GPR137B: variants seen among roughly 807,000 people sequenced by gnomAD.
GPR137B encodes integral membrane protein GPR137B.
GPR137B carries 42 observed loss-of-function variants against 42.5 expected under a neutral mutation model. The observed-to-expected ratio is 0.99, with a 90% confidence interval of 0.77 to 1.28. The LOEUF (loss-of-function observed/expected upper bound fraction) is 1.28. Ranked by LOEUF, GPR137B falls within the 50% of genes most tolerant of loss-of-function variation. The pLI, the probability that GPR137B is intolerant of heterozygous loss-of-function variation, is 0.00. For missense variants in GPR137B, 487 were observed against 493.9 expected (o/e 0.99, Z 0.13); for synonymous variants, 218 against 209.7 (o/e 1.04, Z -0.34).
At chr1:236,164,662 GC>G (rs959823682) in intron 1 of GPR137B, among the ~76,000 whole-genome samples, 5 of 152,172 alleles carry the variant, frequency 3.3e-5, no homozygotes, top group Non-Finnish European at 5.9e-5. Context: ...CTTGGTTTAT[GC>G]CCTTTAATTA....
intron 1 of GPR137B, among the ~76,000 whole-genome samples, chr1:236,153,573 T>C (rs531627825): frequency 1.3e-5 from 2 of 152,352 alleles, no homozygotes; most frequent in South Asian, 4.1e-4. Context: ...GTGCTTGTTG[T>C]GTGCCAGACA....
chr1:236,170,455 C>T (rs1358275058), intron 2 of GPR137B, among the ~76,000 whole-genome samples: 1 of 152,062 alleles, frequency 6.6e-6, no homozygotes, highest in Non-Finnish European at 1.5e-5. Flanking sequence ...CAAGACTCAC[C>T]GTCCCGGGTT....
chr1:236,189,642 A>C (rs889942137), intron 5 of GPR137B, among the ~76,000 whole-genome samples: 1 of 152,128 alleles, frequency 6.6e-6, no homozygotes, highest in Non-Finnish European at 1.5e-5. Flanking sequence ...GAGTTTCTTA[A>C]TCCTGAGTTC....
chr1:236,181,078 A>AT (rs1166157524), intron 4 of GPR137B, among the ~76,000 whole-genome samples: 2 of 151,964 alleles, frequency 1.3e-5, no homozygotes, highest in African/African-American at 2.4e-5. Flanking sequence ...CAGGGAGTGA[A>AT]TTTTTTTTAA....
At chr1:236,205,696 G>A (rs983704677) in intron 6 of GPR137B, among the ~76,000 whole-genome samples, 5 of 152,018 alleles carry the variant, frequency 3.3e-5, no homozygotes, top group Non-Finnish European at 7.4e-5. Context: ...GTGCGCCACC[G>A]CACCCAGCAA....
chr1:236,180,063 A>AAGAGTCCCTGGTCAGGT, intron 4 of GPR137B, 35 bp downstream of exon 4: 1 of 1,585,586 alleles, frequency 6.3e-7, no homozygotes, highest in Non-Finnish European at 8.7e-7. Flanking sequence ...TCACCTGACC[A>AAGAGTCCCTGGTCAGGT]GGGACTCTTG....
intron 1 of GPR137B, among the ~76,000 whole-genome samples, chr1:236,153,971 C>T (rs558391489): frequency 6.6e-6 from 1 of 152,186 alleles, no homozygotes; most frequent in Non-Finnish European, 1.5e-5. Context: ...GAAGTCGTCA[C>T]CTGTGACTTG....
chr1:236,157,730 C>T (rs1662074040), intron 1 of GPR137B, among the ~76,000 whole-genome samples: 2 of 152,134 alleles, frequency 1.3e-5, no homozygotes, highest in South Asian at 2.1e-4. Flanking sequence ...GGTTTTACGT[C>T]CTGAGAACAT....
intron 1 of GPR137B, among the ~76,000 whole-genome samples, chr1:236,144,992 G>C (rs539194854): frequency 5.9e-5 from 9 of 152,360 alleles, no homozygotes; most frequent in African/African-American, 1.4e-4. Flanking sequence ...CAGGCAGACA[G>C]AGCCACTCCG....
rs1662543820 is a variant in GPR137B, at chr1:236,171,791, T to C, written c.464+3036T>C. 6.6e-6 allele frequency among the ~76,000 whole-genome samples: 1 copy of C among 152,188 alleles called. No homozygotes were observed. Among genetic ancestry groups the C allele is most frequent in the Admixed American group, 6.5e-5 (1 of 15,280 alleles). On this transcript the variant is annotated intron_variant, in intron 2 of 6. Transcript: ENST00000366592. The surrounding 1 kb of genome is among the most constrained non-coding windows in gnomAD (Gnocchi z 4.4). ...TGGGCGCGGTGGCTCATGCCTGTAA[T>C]CCCAGCACTTTGGGAGGCCGAGGCA... is the stretch of plus-strand genomic sequence containing the variant.
At chr1:236,196,249 C>T (rs1359454523) in intron 5 of GPR137B, among the ~76,000 whole-genome samples, 1 of 152,086 alleles carries the variant, frequency 6.6e-6, no homozygotes, top group East Asian at 1.9e-4. Context: ...AAGTGATTCT[C>T]CTGCGTCAGC....
intron 1 of GPR137B, among the ~76,000 whole-genome samples, chr1:236,166,984 G>C (rs1418382439): frequency 6.6e-6 from 1 of 152,136 alleles, no homozygotes; most frequent in East Asian, 1.9e-4. Context: ...GGGTATGCAC[G>C]TTGAGCACCG....
chr1:236,163,577 G>T (rs1034107246), intron 1 of GPR137B, among the ~76,000 whole-genome samples: 1 of 152,114 alleles, frequency 6.6e-6, no homozygotes, highest in Non-Finnish European at 1.5e-5. Context: ...ATTGAATCAC[G>T]GGGGCCGGTC....
intron 1 of GPR137B, among the ~76,000 whole-genome samples, chr1:236,162,618 C>T (rs1662233109): frequency 6.6e-6 from 1 of 152,202 alleles, no homozygotes. Context: ...GCCCTGTGTC[C>T]CAGCTGCTCC....
In GPR137B at chr1:236,155,561, C is replaced by T. The variant is rs75690013; in HGVS notation, c.414+12525C>T. Among the ~76,000 whole-genome samples the T allele has an allele frequency of 0.018, 2,778 of 152,148 alleles. 132 individuals are homozygous for T. The East Asian group carries it at 0.18, about 10-fold the overall frequency. The stretch of plus-strand genomic sequence containing the variant: ...TGCTCTCTAGAGTCCCGTCTCCTCG[C>T]GGGCTGCCTGCTGGGCTGACTTATC... On this transcript the variant is annotated intron_variant, in intron 1 of 6. Transcript: ENST00000366592. This position sits in a 1 kb window ranked among gnomAD's most constrained non-coding sequence, Gnocchi z 4.6.
At chr1:236,145,323 C>T (rs1313016691) in intron 1 of GPR137B, among the ~76,000 whole-genome samples, 1 of 152,236 alleles carries the variant, frequency 6.6e-6, no homozygotes, top group African/African-American at 2.4e-5. Context: ...TTAAGAATGA[C>T]TGTTGCTTGG....
At position 236,155,234 on chromosome 1, in the gene GPR137B, A is replaced by T. The variant is rs1333030139; in HGVS notation, c.414+12198A>T. On this transcript the variant is annotated intron_variant, in intron 1 of 6. Transcript: ENST00000366592. This position sits in a 1 kb window ranked among gnomAD's most constrained non-coding sequence, Gnocchi z 4.6. Reference sequence around the variant, plus strand: ...CTGCGGGGCTTCCAGGGCGGAGGACACGGGCTGACACGGGCTGTCCCTGGG... The same window carrying T: ...CTGCGGGGCTTCCAGGGCGGAGGACTCGGGCTGACACGGGCTGTCCCTGGG... Among the ~76,000 whole-genome samples the T allele has an allele frequency of 6.6e-6, 1 of 152,236 alleles. No homozygotes were observed. The highest frequency in any genetic ancestry group is 1.5e-5 in the Non-Finnish European group (1 of 68,034).
Position 236,208,453 on chromosome 1 carries a change from G to GT in GPR137B, c.*295_*296insT. Reference sequence around the variant, plus strand: ...TAAATAATAATGCTAAAGTATACTAGGGTTTTTTTTTCTTGAGAATGTTAC... The same window carrying GT: ...TAAATAATAATGCTAAAGTATACTAGTGGTTTTTTTTTCTTGAGAATGTTAC... On this transcript the variant is annotated 3_prime_UTR_variant, in exon 7 of 7. Coordinates refer to ENST00000366592, the MANE Select transcript of GPR137B (RefSeq NM_003272.4). 1 of 898,966 alleles carries GT rather than the reference G, an allele frequency of 1.1e-6. No individual in the cohort carries two copies. The highest frequency in any genetic ancestry group is 2.1e-5 in the African/African-American group (1 of 48,212). The allele number at this position is 898,966 out of a possible 1,614,324, so 55.7% of individuals were successfully genotyped here. A position where few individuals can be genotyped will look rare whatever the true frequency, so the allele number is the denominator to read the frequency against.
At chr1:236,176,338 G>A (rs1366649894) in intron 2 of GPR137B, among the ~76,000 whole-genome samples, 4 of 152,140 alleles carry the variant, frequency 2.6e-5, no homozygotes, top group Non-Finnish European at 5.9e-5. Flanking sequence ...GGGGGGTGGG[G>A]GGCACTGTTC....
Sources: gnomAD v4.1 joint callset for allele counts (sites outside exome capture counted in the v4.1 genomes callset) on GRCh38, gnomAD v4.1.1 for gene constraint, Gnocchi (gnomAD v3.1) non-coding constraint, MANE v1.5 for transcripts, NCBI Gene and HGNC (gene_info 2026-07-23, HGNC 2026-07-21) for gene names.